The following TAS2R1 variants were observed in gnomAD, a reference collection of about 807,000 sequenced individuals.
The protein encoded by TAS2R1 is taste 2 receptor member 1.
For synonymous variants in TAS2R1, 141 were observed against 134.2 expected, an observed-to-expected ratio of 1.05 and a Z score of -0.35; for missense variants, 370 against 353.4, an observed-to-expected ratio of 1.05 and a Z score of -0.38.
chr5:9,729,139 T>A, the TAS2R1 span, among the ~76,000 whole-genome samples: 1 of 152,218 alleles, frequency 6.6e-6, no homozygotes, highest in African/African-American at 2.4e-5. Flanking sequence ...TGGACCCCAG[T>A]CTGACCAACC....
At chr5:9,699,168 C>T (rs776483092) in intron 1 of TAS2R1, among the ~76,000 whole-genome samples, 1 of 152,182 alleles carries the variant, frequency 6.6e-6, no homozygotes, top group Admixed American at 6.5e-5. Flanking sequence ...AACATCAATT[C>T]GTTCTCACAG....
the TAS2R1 span, chr5:9,761,097 G>T: frequency 6.6e-6 from 1 of 152,110 alleles, no homozygotes; most frequent in African/African-American, 2.4e-5. Flanking sequence ...CAAGGTCATA[G>T]GATATAAGGT....
the TAS2R1 span, among the ~76,000 whole-genome samples, chr5:9,855,403 G>A: frequency 6.6e-6 from 1 of 152,192 alleles, no homozygotes; most frequent in Non-Finnish European, 1.5e-5. Flanking sequence ...TTACTTATAG[G>A]TCCTAGGCAA....
chr5:9,829,480 A>T, the TAS2R1 span, among the ~76,000 whole-genome samples: 3 of 152,342 alleles, frequency 2.0e-5, no homozygotes, highest in East Asian at 3.9e-4. Context: ...CAAGGGCATC[A>T]TTTGACCAAT....
At chr5:9,840,242 G>C in the TAS2R1 span, among the ~76,000 whole-genome samples, 2 of 152,026 alleles carry the variant, frequency 1.3e-5, no homozygotes, top group Non-Finnish European at 2.9e-5. Flanking sequence ...ACGAAAACAG[G>C]GTAGCTCTGA....
chr5:9,869,999 T>A, the TAS2R1 span: 1 of 152,242 alleles, frequency 6.6e-6, no homozygotes, highest in Non-Finnish European at 1.5e-5. Flanking sequence ...ACCATGTACT[T>A]CTTTAGTTCT....
the TAS2R1 span, among the ~76,000 whole-genome samples, chr5:9,752,894 C>T: frequency 5.3e-5 from 8 of 152,310 alleles, no homozygotes; most frequent in African/African-American, 1.7e-4. Context: ...TTTTTCATGG[C>T]TGCATAGTAT....
the TAS2R1 span, among the ~76,000 whole-genome samples, chr5:9,828,122 T>A: frequency 6.6e-6 from 1 of 152,094 alleles, no homozygotes; most frequent in Non-Finnish European, 1.5e-5. Context: ...TTTTTTATTT[T>A]TATTTATTTA....
chr5:9,814,520 C>T, the TAS2R1 span, among the ~76,000 whole-genome samples: 74 of 152,246 alleles, frequency 4.9e-4, no homozygotes, highest in Non-Finnish European at 8.1e-4. Context: ...ATAGGGAATA[C>T]ATTCTACATT....
chr5:9,773,046 T>C, the TAS2R1 span, among the ~76,000 whole-genome samples: 1 of 152,104 alleles, frequency 6.6e-6, no homozygotes, highest in Non-Finnish European at 1.5e-5. Flanking sequence ...CCTGCCACTT[T>C]GTTATTTTTC....
At chr5:9,900,654 T>C in the TAS2R1 span, among the ~76,000 whole-genome samples, 1 of 141,318 alleles carries the variant, frequency 7.1e-6, no homozygotes, top group Non-Finnish European at 1.5e-5. Flanking sequence ...GGAGTCTGGC[T>C]CTGTCGCCCA....
chr5:9,685,765 T>G (rs1741111906), intron 1 of TAS2R1, among the ~76,000 whole-genome samples: 1 of 152,256 alleles, frequency 6.6e-6, no homozygotes, highest in Admixed American at 6.5e-5. Flanking sequence ...TACCTATTTT[T>G]TTAAGTACAG....
At chr5:9,878,504 G>A in the TAS2R1 span, among the ~76,000 whole-genome samples, 2 of 152,208 alleles carry the variant, frequency 1.3e-5, no homozygotes, top group South Asian at 2.1e-4. Flanking sequence ...AACCACGAAC[G>A]CTTGTATCTA....
At chr5:9,803,094 A>T in the TAS2R1 span, among the ~76,000 whole-genome samples, 40 of 152,232 alleles carry the variant, frequency 2.6e-4, no homozygotes, top group African/African-American at 9.4e-4. Flanking sequence ...AGAGAAATGC[A>T]AAATGTACTG....
chr5:9,741,034 C>T, the TAS2R1 span, among the ~76,000 whole-genome samples: 1 of 152,184 alleles, frequency 6.6e-6, no homozygotes, highest in Non-Finnish European at 1.5e-5. Context: ...AGCAGCCGCT[C>T]ATTAAATACT....
the TAS2R1 span, among the ~76,000 whole-genome samples, chr5:9,774,219 T>C: frequency 6.6e-6 from 1 of 152,224 alleles, no homozygotes; most frequent in East Asian, 1.9e-4. Flanking sequence ...GACTCAGGCA[T>C]CCTTCGGATG....
the TAS2R1 span, among the ~76,000 whole-genome samples, chr5:9,824,675 C>T: frequency 1.2e-4 from 18 of 151,978 alleles, no homozygotes; most frequent in South Asian, 1.3e-3. Flanking sequence ...AGTGAAACCC[C>T]GTCTCTACTA....
At chr5:9,635,226 C>T (rs929733944), upstream of TAS2R1, among the ~76,000 whole-genome samples, 2 of 151,978 alleles carry the variant, frequency 1.3e-5, no homozygotes, top group African/African-American at 2.4e-5. Context: ...GTTTTTAATT[C>T]TGTTTACGTC....
At chr5:9,891,827 C>G in the TAS2R1 span, among the ~76,000 whole-genome samples, 1 of 152,190 alleles carries the variant, frequency 6.6e-6, no homozygotes, top group Non-Finnish European at 1.5e-5. Flanking sequence ...GCCACCAAAG[C>G]ACTTCATGAC....
Sources: allele counts gnomAD v4.1 joint callset (sites outside exome capture counted in the v4.1 genomes callset), GRCh38; gene constraint gnomAD v4.1.1; transcripts MANE v1.5; gene names NCBI Gene and HGNC (gene_info 2026-07-23, HGNC 2026-07-21).